Variants in MGMT observed in about 807,000 individuals in gnomAD.
MGMT encodes methylated-DNA--protein-cysteine methyltransferase.
A neutral mutation model predicts 15.9 loss-of-function variants in MGMT; 14 were observed. The ratio of observed to expected loss-of-function variants is 0.88; its 90% confidence interval spans 0.58 to 1.37. The LOEUF (loss-of-function observed/expected upper bound fraction) is 1.37, where lower values mean the gene tolerates loss of function less well. Among genes scored for constraint, MGMT ranks in the 40% most tolerant of loss-of-function variants. The probability of loss-of-function intolerance (pLI) is 0.00; values close to 1 mark genes in which losing one functional copy is unlikely to be tolerated. For synonymous variants in MGMT, 130 were observed against 118.2 expected, an observed-to-expected ratio of 1.10 and a Z score of -0.65; for missense variants, 282 against 268.1, an observed-to-expected ratio of 1.05 and a Z score of -0.36.
chr10:129,487,228 T>A (rs1225326992), intron 1 of MGMT, among the ~76,000 whole-genome samples: 1 of 152,126 alleles, frequency 6.6e-6, no homozygotes, highest in African/African-American at 2.4e-5. Context: ...GGGGTCCACA[T>A]GAGCATACAG....
intron 3 of MGMT, 107 bp from the exon 4 acceptor site, chr10:129,759,095 C>T: frequency 7.3e-7 from 1 of 1,363,112 alleles, no homozygotes; most frequent in Non-Finnish European, 1.0e-6. Context: ...GAGTATAATA[C>T]CTCTATTTGT....
At chr10:129,648,218 G>A (rs974051458) in intron 2 of MGMT, among the ~76,000 whole-genome samples, 10 of 151,692 alleles carry the variant, frequency 6.6e-5, no homozygotes, top group East Asian at 1.9e-4. Context: ...ATCTTGCACC[G>A]CGAACTCCAG....
At chr10:129,753,713 C>T (rs1253564161) in intron 3 of MGMT, among the ~76,000 whole-genome samples, 1 of 152,090 alleles carries the variant, frequency 6.6e-6, no homozygotes, top group African/African-American at 2.4e-5. Context: ...AGTGTCTTCC[C>T]TTGCAGCATT....
rs1244606766 is a variant in MGMT at position 129,770,910 on chromosome 10, C to T, written c.*3913C>T. On this transcript the variant is annotated 3_prime_UTR_variant, in exon 5 of 5. Coordinates refer to ENST00000651593, the MANE Select transcript of MGMT (RefSeq NM_002412.5). ...TAAATTTTTGGCTTCCCTCAGACCT[C>T]AGACCGTGTGGGTTTTTTTTTCTTT... 6.6e-5 allele frequency among the ~76,000 whole-genome samples: 10 copies of T among 151,342 alleles called. No homozygotes were observed. Among genetic ancestry groups the T allele is most frequent in the African/African-American group, 2.2e-4 (9 of 40,764 alleles).
intron 2 of MGMT, among the ~76,000 whole-genome samples, chr10:129,594,863 C>T (rs774068534): frequency 1.3e-4 from 20 of 152,320 alleles, no homozygotes; most frequent in African/African-American, 3.1e-4. Context: ...TATTCCCCTG[C>T]GAGTTACACA....
chr10:129,516,066 C>T (rs944100823), intron 1 of MGMT, among the ~76,000 whole-genome samples: 30 of 152,312 alleles, frequency 2.0e-4, no homozygotes, highest in Admixed American at 5.9e-4. Flanking sequence ...TGGTTCCCAG[C>T]TTAAACGTCC....
chr10:129,487,972 C>T (rs567662796), intron 1 of MGMT, among the ~76,000 whole-genome samples: 15 of 66,620 alleles, frequency 2.3e-4, no homozygotes, highest in South Asian at 1.8e-3. Context: ...TAGGTGTATA[C>T]GCAGGTATAC....
chr10:129,492,330 A>G lies in MGMT; in HGVS notation c.-13+25034A>G, dbSNP rs147479511. Among the ~76,000 whole-genome samples, 13 of 152,298 alleles carry G rather than the reference A, an allele frequency of 8.5e-5. No individual in the cohort carries two copies. In the East Asian group the frequency reaches 2.5e-3, roughly 29 times the overall value. On this transcript the variant is annotated intron_variant, in intron 1 of 4. Coordinates refer to ENST00000651593, the MANE Select transcript of MGMT (RefSeq NM_002412.5). ...TTTGAGCTGAGCTCTTTAGCTTCCC[A>G]CGTCCCCTGTTTCAAAGTCTCCTAA...
At position 129,659,530 on chromosome 10, in the gene MGMT, G is replaced by T. The variant is rs966044484; in HGVS notation, c.126-48365G>T. On this transcript the variant is annotated intron_variant, in intron 2 of 4. Coordinates refer to ENST00000651593, the MANE Select transcript of MGMT (RefSeq NM_002412.5). This position sits in a 1 kb window ranked among gnomAD's most constrained non-coding sequence, Gnocchi z 4.1. ...ATTGTACCTGCTCATGAGAACAGAAGTGAAAGTCACACAGCATGCATATTA... is the reference window on the plus strand; with the variant it reads ...ATTGTACCTGCTCATGAGAACAGAATTGAAAGTCACACAGCATGCATATTA... Among the ~76,000 whole-genome samples the T allele has an allele frequency of 2.6e-5, 4 of 152,138 alleles. No homozygotes were observed. The highest frequency in any genetic ancestry group is 2.6e-4 in the Admixed American group (4 of 15,278).
chr10:129,571,126 A>G (rs1308491527), intron 2 of MGMT, among the ~76,000 whole-genome samples: 3 of 152,162 alleles, frequency 2.0e-5, no homozygotes, highest in Non-Finnish European at 4.4e-5. Context: ...TTGGTTCCCT[A>G]TTTCCGCAGT....
At chr10:129,605,983 A>T (rs1008828214) in intron 2 of MGMT, among the ~76,000 whole-genome samples, 2 of 152,000 alleles carry the variant, frequency 1.3e-5, no homozygotes, top group Non-Finnish European at 2.9e-5. Context: ...CTAAACAAGG[A>T]TTTGTTGTGG....
chr10:129,695,426 G>C (rs1030963389), intron 2 of MGMT, among the ~76,000 whole-genome samples: 8 of 152,202 alleles, frequency 5.3e-5, no homozygotes, highest in African/African-American at 1.9e-4. Context: ...ATTTATTAAT[G>C]AGCCCAAGTA....
chr10:129,569,075 C>T (rs1439298980), intron 2 of MGMT, among the ~76,000 whole-genome samples: 3 of 152,210 alleles, frequency 2.0e-5, no homozygotes, highest in Non-Finnish European at 2.9e-5. Flanking sequence ...TGGGCTTTAG[C>T]GTCAGACAGC....
At position 129,524,212 on chromosome 10, in the gene MGMT, C is replaced by T. The variant is rs140896938; in HGVS notation, c.-12-12029C>T. On this transcript the variant is annotated intron_variant, in intron 1 of 4. Coordinates refer to ENST00000651593, the MANE Select transcript of MGMT (RefSeq NM_002412.5). The stretch of plus-strand genomic sequence containing the variant: ...GGCCTAAGCTGGCTGCACTACCTCC[C>T]GCCCTCAAGGACGATTGGCATCTCT... Among the ~76,000 whole-genome samples, 459 of 152,338 alleles carry T rather than the reference C, an allele frequency of 3.0e-3. 4 individuals are homozygous for T. Among genetic ancestry groups the T allele is most frequent in the African/African-American group, 0.01 (431 of 41,572 alleles).
intron 2 of MGMT, among the ~76,000 whole-genome samples, chr10:129,622,077 C>T (rs537853314): frequency 8.5e-5 from 13 of 152,324 alleles, no homozygotes; most frequent in Admixed American, 2.0e-4. Context: ...TTAATTTCCT[C>T]CTGTTTCTTC....
chr10:129,725,932 C>A (rs1848428736), intron 3 of MGMT, among the ~76,000 whole-genome samples: 1 of 152,224 alleles, frequency 6.6e-6, no homozygotes, highest in Non-Finnish European at 1.5e-5. Context: ...GGGGCAGTTT[C>A]TCTTTAGCTG....
chr10:129,745,020 G>A (rs1347378223), intron 3 of MGMT, among the ~76,000 whole-genome samples: 3 of 152,124 alleles, frequency 2.0e-5, no homozygotes, highest in Admixed American at 6.5e-5. Flanking sequence ...CTGGTCCTCC[G>A]TGAGTCTGGT....
intron 2 of MGMT, among the ~76,000 whole-genome samples, chr10:129,550,197 A>G (rs1243453873): frequency 3.3e-5 from 5 of 152,112 alleles, no homozygotes; most frequent in Admixed American, 3.3e-4. Flanking sequence ...CAGTGCAGCA[A>G]CTTTAGGGGG....
chr10:129,705,389 G>C (rs1848149062), intron 2 of MGMT, among the ~76,000 whole-genome samples: 1 of 152,216 alleles, frequency 6.6e-6, no homozygotes, highest in Non-Finnish European at 1.5e-5. Flanking sequence ...TTAAGCCAAA[G>C]TAATTTGTAT....
Sources: gnomAD v4.1 joint callset for allele counts (sites outside exome capture counted in the v4.1 genomes callset) on GRCh38, gnomAD v4.1.1 for gene constraint, Gnocchi (gnomAD v3.1) non-coding constraint, MANE v1.5 for transcripts, NCBI Gene and HGNC (gene_info 2026-07-23, HGNC 2026-07-21) for gene names.